ANTXR1: variants seen among roughly 807,000 people sequenced by gnomAD.
ANTXR1 encodes the protein anthrax toxin receptor 1.
In ANTXR1, 19 loss-of-function variants were observed where a neutral mutation model predicts 78.1. That is an observed-to-expected ratio of 0.24 (90% confidence interval 0.17 to 0.36). ANTXR1 has a LOEUF of 0.36. ANTXR1 is among the 10% of genes least tolerant of loss of function. The pLI, the probability that ANTXR1 is intolerant of heterozygous loss-of-function variation, is 1.00. For missense variants in ANTXR1, 518 were observed against 718.6 expected (o/e 0.72, Z 3.19); for synonymous variants, 273 against 260.5 (o/e 1.05, Z -0.46).
intron 1 of ANTXR1, among the ~76,000 whole-genome samples, chr2:69,029,241 A>C (rs559902857): frequency 1.8e-4 from 27 of 151,482 alleles, no homozygotes; most frequent in Non-Finnish European, 3.1e-4. Context: ...ATAAAATAAA[A>C]TAATGAGTAA....
chr2:69,047,537 G>A (rs1669806362), intron 3 of ANTXR1, among the ~76,000 whole-genome samples: 1 of 151,918 alleles, frequency 6.6e-6, no homozygotes, highest in Non-Finnish European at 1.5e-5. Flanking sequence ...TATTTGTGTG[G>A]GCATGGTTTT....
At chr2:69,044,662 GA>G in intron 2 of ANTXR1, 79 bp from the exon 3 acceptor site, 1 of 1,457,522 alleles carries the variant, frequency 6.9e-7, no homozygotes, top group Non-Finnish European at 9.6e-7. Context: ...GATAGAAAGG[GA>G]AGGACAGGGA....
rs771151205 is a variant in ANTXR1, at chr2:69,193,486, C to T, written c.1434+71C>T. 3.2e-4 allele frequency: 410 copies of T among 1,284,750 alleles called. 1 individual carries two copies. The highest frequency in any genetic ancestry group is 1.4e-4 in the Admixed American group (8 of 59,216). The allele number at this position is 1,284,750 out of a possible 1,614,324, so 79.6% of individuals were successfully genotyped here. A position where few individuals can be genotyped will look rare whatever the true frequency, so the allele number is the denominator to read the frequency against. On this transcript the variant is annotated intron_variant, in intron 17 of 17. Coordinates refer to ENST00000303714, the MANE Select transcript of ANTXR1 (RefSeq NM_032208.3). ...ACATACACACACACACACACACACA[C>T]ACACATATTCTTTTTCTCTCTCCAT...
chr2:69,074,624 G>C (rs930247014), intron 6 of ANTXR1, among the ~76,000 whole-genome samples: 2 of 152,316 alleles, frequency 1.3e-5, no homozygotes, highest in African/African-American at 4.8e-5. Context: ...TGAGGCTACA[G>C]TGAGTCTAAA....
intron 8 of ANTXR1, among the ~76,000 whole-genome samples, chr2:69,082,675 C>G (rs1471672804): frequency 6.6e-6 from 1 of 151,950 alleles, no homozygotes; most frequent in African/African-American, 2.4e-5. Flanking sequence ...AACACTCGGC[C>G]TGGTTACCGT....
At chr2:69,115,864 A>T (rs1387886505) in intron 10 of ANTXR1, among the ~76,000 whole-genome samples, 1 of 152,212 alleles carries the variant, frequency 6.6e-6, no homozygotes, top group Admixed American at 6.5e-5. Context: ...TCTAAGGAAA[A>T]GGATGGTGGC....
At chr2:69,228,531 G>A (rs1573991591) in intron 17 of ANTXR1, among the ~76,000 whole-genome samples, 1 of 151,758 alleles carries the variant, frequency 6.6e-6, no homozygotes, top group African/African-American at 2.4e-5. Context: ...GGAAAATTAC[G>A]CAGCCCCTGA....
chr2:69,171,977 G>A (rs540823572), intron 14 of ANTXR1, among the ~76,000 whole-genome samples: 35 of 152,318 alleles, frequency 2.3e-4, no homozygotes, highest in African/African-American at 7.7e-4. Context: ...TAGGCTTAAA[G>A]GAGTTTTTGG....
chr2:69,026,938 C>T (rs748518356), intron 1 of ANTXR1, among the ~76,000 whole-genome samples: 2 of 152,102 alleles, frequency 1.3e-5, no homozygotes, highest in South Asian at 4.1e-4. Context: ...GCAACACATG[C>T]GTTAGAAATT....
chr2:69,036,951 G>A (rs761297737), intron 1 of ANTXR1, among the ~76,000 whole-genome samples: 1 of 152,192 alleles, frequency 6.6e-6, no homozygotes, highest in Non-Finnish European at 1.5e-5. Flanking sequence ...GGATGGCCAG[G>A]TCTTTATGAA....
intron 12 of ANTXR1, among the ~76,000 whole-genome samples, chr2:69,140,165 A>T (rs1426620921): frequency 2.6e-5 from 4 of 152,214 alleles, no homozygotes; most frequent in African/African-American, 9.7e-5. Context: ...CCACAAGAGT[A>T]CTTATCACCT....
intron 13 of ANTXR1, among the ~76,000 whole-genome samples, chr2:69,168,644 T>C (rs1673895754): frequency 1.3e-5 from 2 of 152,164 alleles, no homozygotes; most frequent in South Asian, 2.1e-4. Flanking sequence ...GGTCCCCAGA[T>C]CCTCACCCCT....
intron 10 of ANTXR1, among the ~76,000 whole-genome samples, chr2:69,106,033 T>G (rs1485859309): frequency 1.3e-5 from 2 of 152,370 alleles, no homozygotes; most frequent in Admixed American, 6.5e-5. Context: ...AAGTTAGAGA[T>G]ATAGAGCATA....
At chr2:69,091,394 C>T (rs915687891) in intron 9 of ANTXR1, among the ~76,000 whole-genome samples, 2 of 144,924 alleles carry the variant, frequency 1.4e-5, no homozygotes, top group East Asian at 2.0e-4. Context: ...TGCAGTGAGC[C>T]GAGATCGCAC....
intron 14 of ANTXR1, among the ~76,000 whole-genome samples, 156 bp downstream of exon 14, chr2:69,170,445 T>C (rs908406623): frequency 3.9e-5 from 6 of 152,228 alleles, no homozygotes; most frequent in African/African-American, 9.6e-5. Context: ...GGGAGGAAAC[T>C]GTCTGGCCTT....
At chr2:69,241,086 A>T (rs1317694221) in intron 17 of ANTXR1, among the ~76,000 whole-genome samples, 1 of 152,218 alleles carries the variant, frequency 6.6e-6, no homozygotes, top group Non-Finnish European at 1.5e-5. Flanking sequence ...GTAAATGAGG[A>T]TGCTGAGGTA....
chr2:69,109,842 G>A (rs1178497174), intron 10 of ANTXR1, among the ~76,000 whole-genome samples: 5 of 152,036 alleles, frequency 3.3e-5, no homozygotes, highest in Admixed American at 6.6e-5. Context: ...ATGTTTGAGT[G>A]CATATTTTTA....
chr2:69,097,771 G>A (rs1350192161), intron 9 of ANTXR1, among the ~76,000 whole-genome samples: 1 of 152,176 alleles, frequency 6.6e-6, no homozygotes, highest in African/African-American at 2.4e-5. Context: ...TCCAAACAAA[G>A]AAAGGCTTGT....
At chr2:69,119,163 G>A (rs1159906329) in intron 10 of ANTXR1, among the ~76,000 whole-genome samples, 1 of 152,200 alleles carries the variant, frequency 6.6e-6, no homozygotes, top group Non-Finnish European at 1.5e-5. Context: ...TTGGGATGGA[G>A]GAAGGAGAGA....
Sources: allele counts gnomAD v4.1 joint callset (sites outside exome capture counted in the v4.1 genomes callset), GRCh38; gene constraint gnomAD v4.1.1; transcripts MANE v1.5; gene names NCBI Gene and HGNC (gene_info 2026-07-23, HGNC 2026-07-21).